MACF1: variants seen among roughly 807,000 people sequenced by gnomAD.
The protein encoded by MACF1 is microtubule-actin cross-linking factor 1.
Under a neutral mutation model 854.8 loss-of-function variants are expected in MACF1, and 193 were observed. The observed-to-expected ratio is 0.23, with a 90% CI of 0.20 to 0.25. MACF1 has a LOEUF of 0.25. Ranked by LOEUF, MACF1 falls within the 10% of genes least tolerant of loss-of-function variation. The probability of loss-of-function intolerance (pLI) is 1.00; values close to 1 mark genes in which losing one functional copy is unlikely to be tolerated. For synonymous variants in MACF1, 3,185 were observed against 3,226.7 expected (o/e 0.99, Z 0.44); for missense variants, 7,722 against 8,929.1 (o/e 0.86, Z 5.45).
At chr1:39,468,588 T>A (rs1387846423) in intron 95 of MACF1, 27 bp from the exon 96 acceptor site, 1 of 1,560,816 alleles carries the variant, frequency 6.4e-7, no homozygotes, top group South Asian at 1.1e-5. Flanking sequence ...GACATATATA[T>A]TAATTAAGTT....
chr1:39,477,084 T>TACACACACAC (rs1557675073), intron 97 of MACF1, among the ~76,000 whole-genome samples: 3 of 12,776 alleles, frequency 2.3e-4, no homozygotes, highest in African/African-American at 8.4e-4. Flanking sequence ...TATATATATA[T>TACACACACAC]ATATATACAC....
intron 91 of MACF1, chr1:39,459,837 G>A (rs938448723): frequency 1.5e-6 from 2 of 1,304,266 alleles, no homozygotes; most frequent in Admixed American, 2.3e-5. Flanking sequence ...CTGGAAGTGA[G>A]TGTTCTGTGT....
rs1286874855 is a variant in MACF1, at chr1:39,284,324, A to AT, written c.1036-5dup. ...GTGTCCATTTATTCACCAAATATTA[A>AT]TTTTATAGGCACTTTATAACCAATA... is the stretch of plus-strand genomic sequence containing the variant. On this transcript the variant is annotated splice_polypyrimidine_tract_variant and intron_variant, in intron 10 of 100. Transcript: ENST00000564288. 6.4e-7 allele frequency: 1 copy of AT among 1,574,238 alleles called. No homozygotes were observed. The highest frequency in any genetic ancestry group is 1.4e-5 in the African/African-American group (1 of 72,812).
At chr1:39,211,421 T>A (rs2148276787) in intron 1 of MACF1, among the ~76,000 whole-genome samples, 2 of 152,256 alleles carry the variant, frequency 1.3e-5, no homozygotes, top group South Asian at 4.2e-4. Flanking sequence ...TATTTTTTAA[T>A]TTTTTAAATT....
intron 1 of MACF1, among the ~76,000 whole-genome samples, chr1:39,229,736 A>G (rs1027259190): frequency 3.3e-5 from 5 of 151,858 alleles, no homozygotes; most frequent in Admixed American, 3.3e-4. Flanking sequence ...ATAATCTTAG[A>G]TGTTCTTTTT....
intron 2 of MACF1, among the ~76,000 whole-genome samples, chr1:39,135,371 C>T (rs1005041928): frequency 2.0e-5 from 3 of 152,006 alleles, no homozygotes; most frequent in East Asian, 1.9e-4. Context: ...CTCAGCCTTC[C>T]GAGTAGCTGG....
At chr1:39,181,923 T>C (rs1415049618) in intron 2 of MACF1, among the ~76,000 whole-genome samples, 3 of 151,990 alleles carry the variant, frequency 2.0e-5, no homozygotes, top group African/African-American at 7.3e-5. Flanking sequence ...CAGGCAGAGG[T>C]AGGTGGATCA....
At chr1:39,305,518 T>C (rs1646153518) in intron 23 of MACF1, among the ~76,000 whole-genome samples, 1 of 152,232 alleles carries the variant, frequency 6.6e-6, no homozygotes, top group Non-Finnish European at 1.5e-5. Context: ...TATTAACTTC[T>C]TACTCTAGGA....
intron 2 of MACF1, among the ~76,000 whole-genome samples, chr1:39,133,904 T>C (rs1643086019): frequency 6.6e-6 from 1 of 151,984 alleles, no homozygotes; most frequent in Admixed American, 6.6e-5. Flanking sequence ...GCATGGTAGG[T>C]AGGTTATGAG....
intron 97 of MACF1, among the ~76,000 whole-genome samples, chr1:39,478,638 T>TA (rs1015146465): frequency 6.6e-6 from 1 of 152,222 alleles, no homozygotes; most frequent in African/African-American, 2.4e-5. Context: ...CTTGGACACT[T>TA]ATGCAACCTG....
Position 39,440,111 on chromosome 1 carries a change from C to CTTTTCTTTTCTTTTT in MACF1, c.18447+615_18447+616insCTTTTCTTTTTTTTT, listed in dbSNP as rs1553414036. 1.9e-3 allele frequency among the ~76,000 whole-genome samples: 124 copies of CTTTTCTTTTCTTTTT among 64,494 alleles called. 2 individuals are homozygous for CTTTTCTTTTCTTTTT. The highest frequency in any genetic ancestry group is 7.9e-3 in the African/African-American group (118 of 14,862). 42.3% of individuals were successfully genotyped at this position (64,494 alleles called of 152,430 possible). ...CTTTTCTTTTCTTTTCTTTTCTTTT[C>CTTTTCTTTTCTTTTT]TTTTTTTTTTTTTTTTTTGGAGACA... On this transcript the variant is annotated intron_variant, in intron 72 of 100. Transcript: ENST00000564288.
chr1:39,410,498 C>T, intron 58 of MACF1: 2 of 1,614,026 alleles, frequency 1.2e-6, no homozygotes, highest in Non-Finnish European at 1.7e-6. Flanking sequence ...ACATTAGGAG[C>T]AGCATCTAAT....
At chr1:39,364,602 C>T (rs945274967) in intron 49 of MACF1, among the ~76,000 whole-genome samples, 4 of 151,882 alleles carry the variant, frequency 2.6e-5, no homozygotes, top group Non-Finnish European at 5.9e-5. Context: ...ACGCCATTCT[C>T]CTGCCTCAGC....
rs150209223 is a variant in MACF1, at chr1:39,198,979, T to C, written c.221-32203T>C. Among the ~76,000 whole-genome samples the C allele has an allele frequency of 5.9e-3, 891 of 152,188 alleles. 7 individuals are homozygous for C. The highest frequency in any genetic ancestry group is 0.02 in the African/African-American group (848 of 41,528). On this transcript the variant is annotated intron_variant, in intron 2 of 93. Transcript: ENST00000361689. The stretch of plus-strand genomic sequence containing the variant: ...GCTTACCCTAAAGTTAGTGTACTTA[T>C]TTTGACAGAATTTTTTTCTTTTTTG...
intron 92 of MACF1, among the ~76,000 whole-genome samples, chr1:39,461,188 C>G (rs1224362407): frequency 6.6e-6 from 1 of 151,684 alleles, no homozygotes; most frequent in Non-Finnish European, 1.5e-5. Context: ...TATAAATAGT[C>G]ACACTTCCCT....
chr1:39,362,289 A>G (rs1648261622), intron 49 of MACF1, among the ~76,000 whole-genome samples: 1 of 152,212 alleles, frequency 6.6e-6, no homozygotes, highest in South Asian at 2.1e-4. Context: ...GCATTCCTGT[A>G]TCTCTGCATT....
rs568329733 is a variant in MACF1 at position 39,458,237 on chromosome 1, A to C, written c.21076-133A>C. 5.4e-5 allele frequency: 41 copies of C among 756,290 alleles called. No individual in the cohort carries two copies. The African/African-American group carries it at 6.9e-4, about 13-fold the overall frequency. The allele number at this position is 756,290 out of a possible 1,614,324, so 46.8% of individuals were successfully genotyped here. A position where few individuals can be genotyped will look rare whatever the true frequency, so the allele number is the denominator to read the frequency against. On this transcript the variant is annotated intron_variant, in intron 89 of 100. Coordinates refer to ENST00000564288, the MANE Select transcript of MACF1 (RefSeq NM_001394062.1). ...CCAAACTACATCCCTCAGTAACTCA[A>C]CTCAGGCACCAGCCTCCACACAGCC...
At chr1:39,103,408 G>A (rs757992753) in intron 2 of MACF1, 4 of 176,190 alleles carry the variant, frequency 2.3e-5, no homozygotes, top group Non-Finnish European at 3.7e-5. Flanking sequence ...GTTTGTATGC[G>A]TGATTTCTGT....
At chr1:39,232,631 A>C (rs1644790981) in intron 2 of MACF1, among the ~76,000 whole-genome samples, 1 of 152,188 alleles carries the variant, frequency 6.6e-6, no homozygotes, top group Non-Finnish European at 1.5e-5. Flanking sequence ...CATGGGATGC[A>C]AAGAAACATA....
Sources: gnomAD v4.1 joint callset for allele counts (sites outside exome capture counted in the v4.1 genomes callset) on GRCh38, gnomAD v4.1.1 for gene constraint, MANE v1.5 for transcripts, NCBI Gene and HGNC (gene_info 2026-07-23, HGNC 2026-07-21) for gene names.